FBXO43: variants seen among roughly 807,000 people sequenced by gnomAD.
FBXO43 encodes the protein F-box only protein 43.
Under a neutral mutation model 56.7 loss-of-function variants are expected in FBXO43, and 22 were observed. The observed-to-expected ratio is 0.39, with a 90% CI of 0.28 to 0.55. The LOEUF is 0.55. Among genes scored for constraint, FBXO43 ranks in the 20% least tolerant of loss-of-function variants. The pLI is 0.66. For synonymous variants in FBXO43, 306 were observed against 294.5 expected, an observed-to-expected ratio of 1.04 and a Z score of -0.40; for missense variants, 733 against 814.9, an observed-to-expected ratio of 0.90 and a Z score of 1.22.
In FBXO43 at chr8:100,140,722, G is replaced by A. The variant is rs764369802; in HGVS notation, c.1532C>T (p.Ala511Val). ...LKYRNLKHILAMVLESLTAES... is the reference protein window; with the variant it reads ...LKYRNLKHILVMVLESLTAES... Reference sequence around the variant, plus strand: ...TGCGGTCAAGGACTCTAAAACCATAGCAAGAATATGCTTTAAATTTCTATA... The same window carrying A: ...TGCGGTCAAGGACTCTAAAACCATAACAAGAATATGCTTTAAATTTCTATA... Residue 511 changes from alanine to valine, a missense_variant, in exon 2 of 5, where the codon GCT becomes GTT. Transcript: ENST00000428847. The A allele has an allele frequency of 6.2e-7, 1 of 1,611,804 alleles. No individual in the cohort carries two copies. The highest frequency in any genetic ancestry group is 2.2e-5 in the East Asian group (1 of 44,870).
chr8:100,143,558 C>G (rs1317627112), intron 1 of FBXO43, among the ~76,000 whole-genome samples: 2 of 152,240 alleles, frequency 1.3e-5, no homozygotes, highest in Non-Finnish European at 2.9e-5. Flanking sequence ...CTGCTAACTT[C>G]TGCACATGGT....
Position 100,142,887 on chromosome 8 carries a change from A to G in FBXO43, c.86-719T>C, listed in dbSNP as rs137907836. On this transcript the variant is annotated intron_variant, in intron 1 of 4. Transcript: ENST00000428847. ...TGTACTTATTCATATCTCACTTTCT[A>G]AATATTTTGTGATGCAAGGTCCAGT... is the stretch of plus-strand genomic sequence containing the variant. Among the ~76,000 whole-genome samples, 189 of 152,346 alleles carry G rather than the reference A, an allele frequency of 1.2e-3. 3 individuals carry two copies. The East Asian group carries it at 0.035, about 28-fold the overall frequency.
At chr8:100,139,387 G>C (rs1166167192) in intron 2 of FBXO43, among the ~76,000 whole-genome samples, 1 of 152,134 alleles carries the variant, frequency 6.6e-6, no homozygotes, top group East Asian at 1.9e-4. Flanking sequence ...GAGCCCAGGA[G>C]TTGCAGACCA....
upstream of FBXO43, among the ~76,000 whole-genome samples, chr8:100,148,393 C>T (rs546241521): frequency 6.6e-6 from 1 of 152,246 alleles, no homozygotes; most frequent in East Asian, 1.9e-4. Context: ...ATTTCATATT[C>T]TTTACAGTCT....
At position 100,141,988 on chromosome 8, in the gene FBXO43, A is replaced by G. The variant is rs768305925; in HGVS notation, c.266T>C (p.Ile89Thr). The G allele has an allele frequency of 1.2e-5, 20 of 1,611,362 alleles. 1 individual carries two copies. The South Asian group carries it at 2.1e-4, about 17-fold the overall frequency. The change falls in exon 2 of 5, where the codon ATA becomes ACA. Residue 89 changes from isoleucine (I) to threonine (T), a missense_variant. Transcript: ENST00000428847. ...TTTCTTTCCAAGATATTCTTTATCT[A>G]TATTATCAAAGCTACAAGATTTTAA... The part of the protein sequence containing the change: ...NELKSCSFDN[I>T]DKEYLGKKEK...
chr8:100,141,939 A>G lies in FBXO43; in HGVS notation c.315T>C (p.Tyr105=), dbSNP rs1191683762. 1 of 1,598,748 alleles carries G rather than the reference A, an allele frequency of 6.3e-7. No individual in the cohort carries two copies. The change falls in exon 2 of 5, where the codon TAT becomes TAC. Residue 105 remains tyrosine (Y), a synonymous_variant. Transcript: ENST00000428847. ...GKKEKGPTLL[Y]EHPETSGLGL... ...CCAGGCCTGAAGTTTCAGGGTGCTC[A>G]TAGAGTAATGTTGGGCCTTTTTCTT... is the stretch of plus-strand genomic sequence containing the variant.
Position 100,134,201 on chromosome 8 carries a change from G to A in FBXO43, c.1838C>T (p.Ser613Phe). ...GEVLTPLASS[S>F]VTHLSSKQEE... is the part of the protein sequence containing the mutation. The stretch of plus-strand genomic sequence containing the variant: ...CTGTTTACTACTTAAGTGAGTAACA[G>A]AAGAGCTTGCTAGAGGTGTCAAAAC... The change falls in exon 4 of 5, where the codon TCT becomes TTT. Residue 613 changes from serine to phenylalanine, a missense_variant. By Grantham distance (155) the Ser-to-Phe change is radical. Coordinates refer to ENST00000428847, the MANE Select transcript of FBXO43 (RefSeq NM_001029860.4). 2 of 1,614,138 alleles carry A rather than the reference G, an allele frequency of 1.2e-6. No individual in the cohort carries two copies. Among genetic ancestry groups the A allele is most frequent in the Non-Finnish European group, 1.7e-6 (2 of 1,180,032 alleles).
rs773054803 is a variant in FBXO43 at position 100,141,547 on chromosome 8, T to C, written c.707A>G (p.Asp236Gly). ...TAGGCTACAATCATCTTTGGAATCA[T>C]CAATTGTGGAAGTCTTTTGCTGAGA... is the stretch of plus-strand genomic sequence containing the variant. ...NFSQQKTSTI[D>G]DSKDDCSLFE... The change falls in exon 2 of 5, where the codon GAT (aspartate) becomes GGT (glycine). Residue 236 changes from aspartate to glycine, a missense_variant. Asp to Gly is a moderately conservative substitution (Grantham distance 94, BLOSUM62 -1). Transcript: ENST00000428847. The C allele has an allele frequency of 1.2e-6, 2 of 1,611,668 alleles. No homozygotes were observed. The highest frequency in any genetic ancestry group is 2.7e-5 in the African/African-American group (2 of 74,936).
intron 2 of FBXO43, 29 bp from the exon 3 acceptor site, chr8:100,137,696 G>T (rs1297063908): frequency 6.7e-7 from 1 of 1,496,686 alleles, no homozygotes; most frequent in Non-Finnish European, 9.3e-7. Context: ...TCCTTATATT[G>T]CATACATTCT....
At chr8:100,135,622 T>G (rs75859259) in intron 3 of FBXO43, among the ~76,000 whole-genome samples, 3 of 152,000 alleles carry the variant, frequency 2.0e-5, no homozygotes, top group Non-Finnish European at 4.4e-5. Context: ...TTTTTTTTTT[T>G]GAGACAAAGT....
intron 1 of FBXO43, 136 bp downstream of exon 1, chr8:100,144,915 G>C: frequency 9.2e-7 from 1 of 1,089,926 alleles, no homozygotes; most frequent in Non-Finnish European, 1.2e-6. Flanking sequence ...CTGGGCGACA[G>C]AGCGACTCCG....
upstream of FBXO43, chr8:100,145,928 C>G (rs1814822059): frequency 6.5e-6 from 1 of 152,674 alleles, no homozygotes; most frequent in Non-Finnish European, 1.5e-5. Flanking sequence ...AGGCCTGGGT[C>G]CTCGCTTGAG....
At position 100,133,762 on chromosome 8, in the gene FBXO43, A is replaced by G. The variant is rs200770990; in HGVS notation, c.*40T>C. ...AAATATTCATAATTTTAAGTCAGAT[A>G]AATAGAACACTGCATGGGGGAGTTC... On this transcript the variant is annotated 3_prime_UTR_variant, in exon 5 of 5. Coordinates refer to ENST00000428847, the MANE Select transcript of FBXO43 (RefSeq NM_001029860.4). 6.4e-7 allele frequency: 1 copy of G among 1,560,464 alleles called. No homozygotes were observed. Among genetic ancestry groups the G allele is most frequent in the Middle Eastern group, 1.7e-4 (1 of 5,802 alleles).
intron 3 of FBXO43, 142 bp from the exon 4 acceptor site, chr8:100,134,506 A>C (rs939405874): frequency 4.1e-5 from 21 of 514,352 alleles, no homozygotes; most frequent in East Asian, 6.7e-5. Flanking sequence ...TTCAGAAAAA[A>C]AAACAAACAA....
At position 100,134,208 on chromosome 8, in the gene FBXO43, TTGCTAGA is replaced by T; in HGVS notation, c.1824_1830del (p.Leu609AlafsTer7). 6.2e-7 allele frequency: 1 copy of T among 1,614,200 alleles called. No individual in the cohort carries two copies. Among genetic ancestry groups the T allele is most frequent in the Non-Finnish European group, 8.5e-7 (1 of 1,180,048 alleles). Reference sequence around the variant, plus strand: ...CTACTTAAGTGAGTAACAGAAGAGCTTGCTAGAGGTGTCAAAACTTCTCCCCAGGGAG... The same window carrying T: ...CTACTTAAGTGAGTAACAGAAGAGCTGGTGTCAAAACTTCTCCCCAGGGAG... On this transcript the variant is annotated frameshift_variant, in exon 4 of 5. Transcript: ENST00000428847. LOFTEE classifies it high-confidence loss of function.
At chr8:100,140,237 G>A (rs181945034) in intron 2 of FBXO43, among the ~76,000 whole-genome samples, 3 of 152,324 alleles carry the variant, frequency 2.0e-5, no homozygotes, top group Non-Finnish European at 2.9e-5. Context: ...TTGGGAGGCC[G>A]AGATGGGTGG....
chr8:100,133,999 G>T lies in FBXO43; in HGVS notation c.1930C>A (p.Gln644Lys), dbSNP rs767741235. 6.2e-7 allele frequency: 1 copy of T among 1,614,148 alleles called. No homozygotes were observed. The highest frequency in any genetic ancestry group is 1.1e-5 in the South Asian group (1 of 91,076). The change falls in exon 5 of 5, where the codon CAG (glutamine) becomes AAG (lysine). Residue 644 changes from glutamine to lysine, a missense_variant. Gln to Lys is a moderately conservative substitution (Grantham distance 53). Transcript: ENST00000428847. ...TATGGCTGGTACTTAGCAGGGGACT[G>T]GCACCTTGGGCAAGGTTTTAATGCT... is the stretch of plus-strand genomic sequence containing the variant. The part of the protein sequence containing the change: ...DEALKPCPRC[Q>K]SPAKYQPYKK...
chr8:100,147,695 G>A (rs568281068), upstream of FBXO43, among the ~76,000 whole-genome samples: 10 of 152,346 alleles, frequency 6.6e-5, no homozygotes, highest in African/African-American at 2.4e-4. Context: ...CCAGAAGGCA[G>A]TGGGGGGTGG....
chr8:100,140,865 T>C lies in FBXO43; in HGVS notation c.1389A>G (p.Gly463=). The change falls in exon 2 of 5, where the codon GGA becomes GGG. Residue 463 remains glycine, a synonymous_variant. Transcript: ENST00000428847. ...CATCCCCTTGCTCTAAGAATTCATG[T>C]CCACTATTTTCCTGTAATCTTTTCC... is the stretch of plus-strand genomic sequence containing the variant. The part of the protein sequence containing the change: ...SKRKRLQENS[G]HEFLEQGDGE... The C allele has an allele frequency of 6.2e-7, 1 of 1,614,192 alleles. No individual in the cohort carries two copies. The highest frequency in any genetic ancestry group is 1.3e-5 in the African/African-American group (1 of 75,050).
Sources: allele counts gnomAD v4.1 joint callset (sites outside exome capture counted in the v4.1 genomes callset), GRCh38; gene constraint gnomAD v4.1.1; transcripts MANE v1.5; gene names NCBI Gene and HGNC (gene_info 2026-07-23, HGNC 2026-07-21).